KLHL13: variants seen among roughly 807,000 people sequenced by gnomAD.
The protein encoded by KLHL13 is kelch-like protein 13.
A neutral mutation model predicts 37.1 loss-of-function variants in KLHL13; 10 were observed. That is an observed-to-expected ratio of 0.27 (90% CI 0.17 to 0.46). The LOEUF (loss-of-function observed/expected upper bound fraction) is 0.46. Among genes scored for constraint, KLHL13 ranks in the 20% least tolerant of loss-of-function variants. The pLI is 1.00. For synonymous variants in KLHL13, 163 were observed against 181.2 expected (o/e 0.90, Z 0.81); for missense variants, 360 against 509.3 (o/e 0.71, Z 2.82).
intron 1 of KLHL13, among the ~76,000 whole-genome samples, chrX:118,093,147 G>A (rs924948776): frequency 9.0e-5 from 10 of 111,211 alleles, no homozygotes; most frequent in African/African-American, 2.9e-4. Flanking sequence ...CAATTACATT[G>A]CTAATTTGTC....
At chrX:118,000,352 C>T (rs780748989) in intron 1 of KLHL13, among the ~76,000 whole-genome samples, 1 of 112,213 alleles carries the variant, frequency 8.9e-6, no homozygotes, top group African/African-American at 3.2e-5. Context: ...AACTTAATTT[C>T]AATCTACTTT....
At chrX:117,937,828 CAG>C (rs1389482785) in intron 2 of KLHL13, among the ~76,000 whole-genome samples, 1 of 111,578 alleles carries the variant, frequency 9.0e-6, no homozygotes, top group African/African-American at 3.3e-5. Context: ...CAATGATATC[CAG>C]AGTCAACTTT....
chrX:117,907,595 T>TA (rs1331623646), intron 5 of KLHL13, among the ~76,000 whole-genome samples: 1 of 111,607 alleles, frequency 9.0e-6, no homozygotes, highest in Non-Finnish European at 1.9e-5. Context: ...TTTAAAATAG[T>TA]ATAATAACAT....
intron 1 of KLHL13, among the ~76,000 whole-genome samples, chrX:118,074,294 AG>A (rs1290390328): frequency 6.3e-5 from 7 of 111,947 alleles, no homozygotes; most frequent in Non-Finnish European, 1.3e-4. Flanking sequence ...GGTTCTCATA[AG>A]GGTTCAGAAT....
intron 1 of KLHL13, among the ~76,000 whole-genome samples, chrX:117,971,236 T>C (rs1465115643): frequency 2.7e-5 from 3 of 111,685 alleles, no homozygotes; most frequent in Non-Finnish European, 5.7e-5. Context: ...TTAGAAACAT[T>C]AATAACCATT....
intron 2 of KLHL13, among the ~76,000 whole-genome samples, chrX:117,943,695 C>T (rs1933169204): frequency 9.2e-6 from 1 of 108,945 alleles, no homozygotes; most frequent in African/African-American, 3.3e-5. Flanking sequence ...TTATGTTCTT[C>T]TCTAAACTGG....
At chrX:117,934,756 T>C (rs1318839416) in intron 2 of KLHL13, among the ~76,000 whole-genome samples, 1 of 109,659 alleles carries the variant, frequency 9.1e-6, no homozygotes, top group African/African-American at 3.3e-5. Flanking sequence ...AACTGAAAAA[T>C]GGGTAAAGGA....
At chrX:118,031,865 T>C (rs1355282189) in intron 1 of KLHL13, among the ~76,000 whole-genome samples, 1 of 108,362 alleles carries the variant, frequency 9.2e-6, no homozygotes, top group Non-Finnish European at 1.9e-5. Context: ...AGTCAGTGGG[T>C]GCAGGCCAGT....
chrX:118,088,665 T>C (rs1325328391), intron 1 of KLHL13, among the ~76,000 whole-genome samples: 1 of 111,931 alleles, frequency 8.9e-6, no homozygotes, highest in Non-Finnish European at 1.9e-5. Context: ...GGACAAGGAA[T>C]AGTTTCTGGT....
At chrX:117,912,916 G>T (rs1180435357) in intron 4 of KLHL13, among the ~76,000 whole-genome samples, 1 of 111,562 alleles carries the variant, frequency 9.0e-6, no homozygotes, top group Non-Finnish European at 1.9e-5. Context: ...GATGATAGAT[G>T]CAATTAAAAA....
chrX:118,040,317 G>C (rs777522506), intron 1 of KLHL13, among the ~76,000 whole-genome samples: 8 of 111,610 alleles, frequency 7.2e-5, no homozygotes, highest in African/African-American at 2.3e-4. Context: ...ATTTCAGATG[G>C]AGAATTCAAA....
chrX:118,021,178 C>G lies in KLHL13; in HGVS notation c.-55-75603G>C, dbSNP rs930133394. 6.5e-5 allele frequency among the ~76,000 whole-genome samples: 7 copies of G among 107,817 alleles called. No individual in the cohort carries two copies. In the Admixed American group the frequency reaches 6.9e-4, roughly 11 times the overall value. The allele number at this position is 107,817 out of a possible 115,157, so 93.6% of individuals were successfully genotyped here. A position where few individuals can be genotyped will look rare whatever the true frequency, so the allele number is the denominator to read the frequency against. ...ACAGTATTTTTTGTTCGATATCTGC[C>G]TTATTTCATTTAGCATAATGTCCTC... is the stretch of plus-strand genomic sequence containing the variant. On this transcript the variant is annotated intron_variant, in intron 1 of 6. Transcript: ENST00000371882.
chrX:117,997,802 T>C (rs904531910), intron 1 of KLHL13, among the ~76,000 whole-genome samples: 1 of 111,827 alleles, frequency 8.9e-6, no homozygotes, highest in South Asian at 3.7e-4. Flanking sequence ...ATTCTATGTA[T>C]TGATGTATCT....
intron 1 of KLHL13, among the ~76,000 whole-genome samples, chrX:118,105,246 G>A (rs181933804): frequency 8.9e-6 from 1 of 112,321 alleles, no homozygotes; most frequent in East Asian, 2.8e-4. Context: ...TCTAGAATCT[G>A]TTTTCTAACA....
intron 1 of KLHL13, among the ~76,000 whole-genome samples, chrX:117,999,708 AAAATAAATAAAT>A (rs200561523): frequency 9.1e-6 from 1 of 110,153 alleles, no homozygotes; most frequent in Non-Finnish European, 1.9e-5. Flanking sequence ...AAATCTATTA[AAAATAAATAAAT>A]AAATAAATAA....
At chrX:117,979,662 A>T (rs758762418) in intron 1 of KLHL13, among the ~76,000 whole-genome samples, 1 of 111,848 alleles carries the variant, frequency 8.9e-6, no homozygotes, top group East Asian at 2.8e-4. Context: ...TACCAAAAGC[A>T]GAGGTCAAGA....
chrX:117,982,201 A>C (rs2053670191), intron 1 of KLHL13, among the ~76,000 whole-genome samples: 1 of 110,065 alleles, frequency 9.1e-6, no homozygotes, highest in Non-Finnish European at 1.9e-5. Context: ...GTTACAGTAA[A>C]CCCTTAACTA....
chrX:118,113,693 AG>A (rs1428725450), intron 1 of KLHL13, among the ~76,000 whole-genome samples: 2 of 112,137 alleles, frequency 1.8e-5, no homozygotes, highest in Non-Finnish European at 3.8e-5. Flanking sequence ...ACACTAAAGT[AG>A]GCCCTTCCTA....
At chrX:117,920,354 C>A in exon 3 of KLHL13, 1 of 1,206,097 alleles carries the variant, frequency 8.3e-7, no homozygotes, top group Non-Finnish European at 1.1e-6. Context: ...TCCTTCAAGT[C>A]GAAGCTGGTC....
Sources: gnomAD v4.1 joint callset for allele counts (sites outside exome capture counted in the v4.1 genomes callset) on GRCh38, gnomAD v4.1.1 for gene constraint, MANE v1.5 for transcripts, NCBI Gene and HGNC (gene_info 2026-07-23, HGNC 2026-07-21) for gene names.